Variants in CTNNA3 observed in about 807,000 individuals in gnomAD.
The protein encoded by CTNNA3 is catenin alpha-3.
A neutral mutation model predicts 95.7 loss-of-function variants in CTNNA3; 76 were observed. That is an observed-to-expected ratio of 0.79 (90% CI 0.66 to 0.96). CTNNA3 has a LOEUF of 0.96. Among genes scored for constraint, CTNNA3 ranks in the 40% least tolerant of loss-of-function variants. The pLI is 0.00. For missense variants in CTNNA3, 1,191 were observed against 1,089.8 expected (o/e 1.09, Z -1.31); for synonymous variants, 431 against 374.4 (o/e 1.15, Z -1.74).
At chr10:67,117,811 G>C (rs1256733028) in intron 7 of CTNNA3, among the ~76,000 whole-genome samples, 1 of 152,012 alleles carries the variant, frequency 6.6e-6, no homozygotes, top group African/African-American at 2.4e-5. Flanking sequence ...GGTTAATAAT[G>C]AGGTGCCTCA....
At chr10:66,430,446 T>A (rs1205061809) in intron 11 of CTNNA3, among the ~76,000 whole-genome samples, 1 of 152,088 alleles carries the variant, frequency 6.6e-6, no homozygotes, top group African/African-American at 2.4e-5. Flanking sequence ...CATTGCCAAG[T>A]CAATCCTAAG....
rs569125848 is a variant in CTNNA3, at chr10:66,186,699, G to T, written c.1885-83450C>A. Among the ~76,000 whole-genome samples the T allele has an allele frequency of 3.4e-4, 52 of 151,986 alleles. 1 individual carries two copies. The South Asian group carries it at 0.01, about 31-fold the overall frequency. On this transcript the variant is annotated intron_variant, in intron 13 of 17. Coordinates refer to ENST00000433211, the MANE Select transcript of CTNNA3 (RefSeq NM_013266.4). ...TCAAGAAAAGGCATTCAGGACATTT[G>T]TTATTAACTACTTGTGCAAACAATG... is the stretch of plus-strand genomic sequence containing the variant.
intron 7 of CTNNA3, among the ~76,000 whole-genome samples, chr10:66,996,889 C>T (rs1851384232): frequency 6.6e-6 from 1 of 151,980 alleles, no homozygotes; most frequent in African/African-American, 2.4e-5. Flanking sequence ...AGCAATTATC[C>T]ACCTGTTGAC....
At position 66,309,722 on chromosome 10, in the gene CTNNA3, T is replaced by C. The variant is rs113372752; in HGVS notation, c.1733-29101A>G. Among the ~76,000 whole-genome samples, 901 of 129,326 alleles carry C rather than the reference T, an allele frequency of 7.0e-3. 10 individuals carry two copies. Among genetic ancestry groups the C allele is most frequent in the African/African-American group, 0.023 (853 of 36,760 alleles). The allele number at this position is 129,326 out of a possible 152,430, so 84.8% of individuals were successfully genotyped here. A position where few individuals can be genotyped will look rare whatever the true frequency, so the allele number is the denominator to read the frequency against. ...AAAAAAAAAAAAAAAAGGGTTAGAT[T>C]CCAACCTTATATAGATAGGGAAATA... On this transcript the variant is annotated intron_variant, in intron 12 of 17. Coordinates refer to ENST00000433211, the MANE Select transcript of CTNNA3 (RefSeq NM_013266.4).
rs975357658 is a variant in CTNNA3 at position 66,671,126 on chromosome 10, G to A, written c.1282-49342C>T. On this transcript the variant is annotated intron_variant, in intron 9 of 17. Transcript: ENST00000433211. The stretch of plus-strand genomic sequence containing the variant: ...GGAAGCAATTATCAGTATAAATTAA[G>A]AACCAAACTGCAAATTCAATTATTC... 1.1e-4 allele frequency among the ~76,000 whole-genome samples: 16 copies of A among 152,250 alleles called. 1 individual carries two copies. The highest frequency in any genetic ancestry group is 4.6e-4 in the Admixed American group (7 of 15,292).
intron 11 of CTNNA3, among the ~76,000 whole-genome samples, chr10:66,453,284 G>A (rs118031822): frequency 0.033 from 4,986 of 151,726 alleles, 344 homozygotes; most frequent in East Asian, 0.23. Flanking sequence ...ATAAAACTCT[G>A]GTCTCTTGTT....
chr10:66,323,667 A>AAAAG (rs1554933574), intron 12 of CTNNA3, among the ~76,000 whole-genome samples: 1 of 150,940 alleles, frequency 6.6e-6, no homozygotes, highest in Admixed American at 6.6e-5. Context: ...AAAAAAAAAA[A>AAAAG]AAGAAGAAGA....
intron 7 of CTNNA3, among the ~76,000 whole-genome samples, chr10:66,993,611 T>C (rs1184819081): frequency 2.0e-5 from 3 of 152,012 alleles, no homozygotes; most frequent in Non-Finnish European, 4.4e-5. Context: ...TATAATGTGA[T>C]TTTTGAGTGA....
At chr10:66,834,748 C>A (rs185731685) in intron 7 of CTNNA3, among the ~76,000 whole-genome samples, 12 of 152,308 alleles carry the variant, frequency 7.9e-5, no homozygotes, top group Admixed American at 6.5e-4. Flanking sequence ...CTAGAGCTCT[C>A]GTGAAAATCT....
At chr10:66,860,426 T>C (rs1843868676) in intron 7 of CTNNA3, among the ~76,000 whole-genome samples, 1 of 152,124 alleles carries the variant, frequency 6.6e-6, no homozygotes, top group African/African-American at 2.4e-5. Context: ...TATTAAATCT[T>C]AATATATTGA....
chr10:65,973,753 T>A (rs2078156569), intron 16 of CTNNA3, among the ~76,000 whole-genome samples: 1 of 151,878 alleles, frequency 6.6e-6, no homozygotes, highest in African/African-American at 2.4e-5. Context: ...AAGAGGGAAG[T>A]GGGAGGTGCC....
chr10:67,329,363 C>T (rs549304725), intron 5 of CTNNA3, among the ~76,000 whole-genome samples: 8 of 151,944 alleles, frequency 5.3e-5, no homozygotes, highest in African/African-American at 1.9e-4. Context: ...AAAGTGAGAC[C>T]CTGTCTCAAA....
chr10:66,647,858 A>AGAG (rs1845761468), intron 9 of CTNNA3, among the ~76,000 whole-genome samples: 1 of 152,106 alleles, frequency 6.6e-6, no homozygotes, highest in African/African-American at 2.4e-5. Flanking sequence ...AAGAAGAAGA[A>AGAG]AAGAGAAGCA....
At chr10:67,079,779 C>T (rs571220866) in intron 7 of CTNNA3, among the ~76,000 whole-genome samples, 8 of 151,500 alleles carry the variant, frequency 5.3e-5, no homozygotes, top group Non-Finnish European at 7.4e-5. Context: ...ACCCGGGAGG[C>T]GGATGTTGCA....
chr10:66,913,237 T>A (rs1589415884), intron 7 of CTNNA3, among the ~76,000 whole-genome samples: 1 of 996 alleles, frequency 1.0e-3, no homozygotes, highest in African/African-American at 1.8e-3. Flanking sequence ...AGACTCCGTC[T>A]CAAAAAAAAA....
At chr10:66,603,303 T>G (rs1443037517) in intron 10 of CTNNA3, among the ~76,000 whole-genome samples, 2 of 151,896 alleles carry the variant, frequency 1.3e-5, no homozygotes, top group African/African-American at 4.8e-5. Context: ...CAGTGATCAA[T>G]CTGAAAATAA....
intron 15 of CTNNA3, among the ~76,000 whole-genome samples, chr10:66,015,714 T>C (rs548599810): frequency 6.6e-6 from 1 of 152,318 alleles, no homozygotes; most frequent in South Asian, 2.1e-4. Flanking sequence ...TTTCATTACC[T>C]ACATAAATGC....
At chr10:67,546,467 C>A (rs1410771239) in intron 3 of CTNNA3, among the ~76,000 whole-genome samples, 1 of 152,074 alleles carries the variant, frequency 6.6e-6, no homozygotes, top group African/African-American at 2.4e-5. Context: ...ATAAAATACA[C>A]AAAATATATT....
intron 6 of CTNNA3, among the ~76,000 whole-genome samples, chr10:67,201,526 C>G (rs1447611094): frequency 6.6e-6 from 1 of 151,700 alleles, no homozygotes; most frequent in Non-Finnish European, 1.5e-5. Flanking sequence ...TTTCCTTTTA[C>G]TCTGAAGCTT....
Sources: allele counts gnomAD v4.1 joint callset (sites outside exome capture counted in the v4.1 genomes callset), GRCh38; gene constraint gnomAD v4.1.1; transcripts MANE v1.5; gene names NCBI Gene and HGNC (gene_info 2026-07-23, HGNC 2026-07-21).